The following CFAP54 variants were observed in gnomAD, a reference collection of about 807,000 sequenced individuals.
CFAP54 encodes cilia and flagella associated protein 54.
Under a neutral mutation model 370.4 loss-of-function variants are expected in CFAP54, and 290 were observed. The ratio of observed to expected loss-of-function variants is 0.78; its 90% CI spans 0.71 to 0.86. The LOEUF is 0.86. CFAP54 is among the 40% of genes least tolerant of loss of function. CFAP54 has a pLI of 0.00. For missense variants in CFAP54, 3,399 were observed against 3,528.7 expected, an observed-to-expected ratio of 0.96 and a Z score of 0.93; for synonymous variants, 1,206 against 1,236.5, an observed-to-expected ratio of 0.98 and a Z score of 0.52.
At position 96,507,107 on chromosome 12, in the gene CFAP54, C is replaced by A. The variant is rs1955110768; in HGVS notation, c.739+8C>A. On this transcript the variant is annotated splice_region_variant and intron_variant, in intron 4 of 67. Transcript: ENST00000524981. The stretch of plus-strand genomic sequence containing the variant: ...GCTGGATTATCTTCAATGGTATATG[C>A]TGATGTATTTTATTTTCCATTGTGT... 1 of 1,489,218 alleles carries A rather than the reference C, an allele frequency of 6.7e-7. No individual in the cohort carries two copies. The highest frequency in any genetic ancestry group is 8.9e-7 in the Non-Finnish European group (1 of 1,126,618). 92.3% of individuals were successfully genotyped at this position (1,489,218 alleles called of 1,614,324 possible). A position where few individuals can be genotyped will look rare whatever the true frequency, so the allele number is the denominator to read the frequency against.
chr12:96,667,821 A>G (rs1157323655), intron 39 of CFAP54, among the ~76,000 whole-genome samples: 1 of 152,028 alleles, frequency 6.6e-6, no homozygotes, highest in Non-Finnish European at 1.5e-5. Context: ...TTTCTTTTGT[A>G]CTGCATTGTC....
At chr12:96,596,788 G>T (rs2136439581) in intron 25 of CFAP54, among the ~76,000 whole-genome samples, 1 of 151,892 alleles carries the variant, frequency 6.6e-6, no homozygotes, top group African/African-American at 2.4e-5. Context: ...TGCGACAGAG[G>T]GCAAGTATAT....
chr12:96,542,970 C>T (rs993430010), intron 14 of CFAP54, among the ~76,000 whole-genome samples: 1 of 152,134 alleles, frequency 6.6e-6, no homozygotes, highest in African/African-American at 2.4e-5. Flanking sequence ...TGGATTTGGC[C>T]ATTTCCCTCC....
At chr12:96,739,037 G>T (rs992930248) in intron 50 of CFAP54, among the ~76,000 whole-genome samples, 2 of 152,170 alleles carry the variant, frequency 1.3e-5, no homozygotes, top group Non-Finnish European at 2.9e-5. Flanking sequence ...GGTACAGGGG[G>T]TTAAGACCTC....
intron 30 of CFAP54, among the ~76,000 whole-genome samples, chr12:96,628,352 T>G (rs184123168): frequency 6.6e-6 from 1 of 152,182 alleles, no homozygotes; most frequent in Non-Finnish European, 1.5e-5. Context: ...TGGAGGAGTT[T>G]AATTTATTCA....
chr12:96,648,580 C>CTTTTTTTTTT (rs11303164), intron 34 of CFAP54, among the ~76,000 whole-genome samples: 7 of 58,666 alleles, frequency 1.2e-4, no homozygotes, highest in Admixed American at 2.6e-4. Flanking sequence ...AAACAGGGTT[C>CTTTTTTTTTT]TTTTTTTTTT....
chr12:96,852,297 A>G (rs1959569458), intron 66 of CFAP54, among the ~76,000 whole-genome samples: 1 of 152,098 alleles, frequency 6.6e-6, no homozygotes, highest in South Asian at 2.1e-4. Context: ...GTGGGTAGGT[A>G]GATAGTCTCT....
rs1955476106 is a variant in CFAP54, at chr12:96,534,133, C to A, written c.1611C>A (p.Ile537=). 10 of 1,532,192 alleles carry A rather than the reference C, an allele frequency of 6.5e-6. No individual in the cohort carries two copies. The highest frequency in any genetic ancestry group is 8.7e-6 in the Non-Finnish European group (10 of 1,144,244). 94.9% of individuals were successfully genotyped at this position (1,532,192 alleles called of 1,614,324 possible). ...TTCTGATTGCAATGGAACCACTAAT[C>A]AACGTGAAGAGAAACAAAGGTTTGA... is the stretch of plus-strand genomic sequence containing the variant. ...LTLLIAMEPL[I]NVKRNKGLIF... Residue 537 remains isoleucine (I), a synonymous_variant, in exon 11 of 68, where the codon ATC becomes ATA. Transcript: ENST00000524981.
intron 60 of CFAP54, among the ~76,000 whole-genome samples, chr12:96,766,090 G>T (rs1958399475): frequency 6.6e-6 from 1 of 152,040 alleles, no homozygotes; most frequent in Non-Finnish European, 1.5e-5. Flanking sequence ...TCTCCTTTGG[G>T]AGTGATCTTC....
intron 66 of CFAP54, among the ~76,000 whole-genome samples, chr12:96,837,238 T>TTATTA (rs1324412056): frequency 1.3e-5 from 2 of 152,328 alleles, no homozygotes; most frequent in East Asian, 3.9e-4. Context: ...CACCTTTAAT[T>TTATTA]TTGTGTCTCA....
intron 64 of CFAP54, among the ~76,000 whole-genome samples, chr12:96,816,334 G>A (rs145319349): frequency 3.3e-4 from 50 of 152,250 alleles, no homozygotes; most frequent in African/African-American, 1.1e-3. Context: ...AATTGTGAAT[G>A]GGAGTTCACT....
intron 39 of CFAP54, among the ~76,000 whole-genome samples, chr12:96,670,975 A>G (rs1957138801): frequency 1.3e-5 from 2 of 151,912 alleles, no homozygotes; most frequent in Non-Finnish European, 1.5e-5. Context: ...AGCATTCAGT[A>G]TTTATTTTTT....
intron 26 of CFAP54, among the ~76,000 whole-genome samples, chr12:96,608,778 A>G (rs1052859921): frequency 2.0e-5 from 3 of 152,152 alleles, no homozygotes; most frequent in African/African-American, 7.2e-5. Context: ...TAGGACTTCT[A>G]AACTGACAGG....
At chr12:96,640,408 G>A (rs909855491) in intron 32 of CFAP54, among the ~76,000 whole-genome samples, 1 of 152,148 alleles carries the variant, frequency 6.6e-6, no homozygotes, top group African/African-American at 2.4e-5. Flanking sequence ...ACAAACCACT[G>A]CTCAATGAAA....
At chr12:96,733,085 A>T (rs1024288398) in intron 50 of CFAP54, among the ~76,000 whole-genome samples, 3 of 152,230 alleles carry the variant, frequency 2.0e-5, no homozygotes, top group African/African-American at 4.8e-5. Context: ...TGAAAACCAG[A>T]TAGACATATG....
intron 55 of CFAP54, among the ~76,000 whole-genome samples, chr12:96,746,754 A>G (rs897931281): frequency 3.3e-5 from 5 of 152,138 alleles, no homozygotes; most frequent in Admixed American, 6.5e-5. Context: ...GCGGTGCTGC[A>G]TGCTTTACAC....
intron 15 of CFAP54, among the ~76,000 whole-genome samples, chr12:96,549,862 G>A (rs1276346093): frequency 6.6e-6 from 1 of 152,096 alleles, no homozygotes; most frequent in Non-Finnish European, 1.5e-5. Flanking sequence ...TGGAGTTGAG[G>A]GGAAAAATGA....
chr12:96,753,795 G>C lies in CFAP54; in HGVS notation c.7737G>C (p.Ser2579=). The change falls in exon 56 of 68, where the codon TCG becomes TCC. Residue 2579 remains serine (S), a synonymous_variant. Coordinates refer to ENST00000524981, the MANE Select transcript of CFAP54 (RefSeq NM_001306084.2). The part of the protein sequence containing the change: ...VYYKNKRKDP[S]KWLPALHLFD... ...ACAAGAATAAAAGGAAGGACCCCTC[G>C]AAGTGGTTACCTGCTCTTCATCTGT... 4 of 1,613,998 alleles carry C rather than the reference G, an allele frequency of 2.5e-6. No individual in the cohort carries two copies. In the South Asian group the frequency reaches 4.4e-5, roughly 18 times the overall value.
intron 20 of CFAP54, among the ~76,000 whole-genome samples, chr12:96,578,517 C>G (rs1956002200): frequency 6.6e-6 from 1 of 152,108 alleles, no homozygotes; most frequent in Non-Finnish European, 1.5e-5. Context: ...GTTTCTTTAA[C>G]CAAAATCTTA....
Sources: gnomAD v4.1 joint callset for allele counts (sites outside exome capture counted in the v4.1 genomes callset) on GRCh38, gnomAD v4.1.1 for gene constraint, MANE v1.5 for transcripts, NCBI Gene and HGNC (gene_info 2026-07-23, HGNC 2026-07-21) for gene names.